The following ARSH variants were observed in gnomAD, a reference collection of about 807,000 sequenced individuals.
ARSH encodes arylsulfatase family member H, also known as arylsulfatase H.
A neutral mutation model predicts 28.7 loss-of-function variants in ARSH; 32 were observed. The observed-to-expected ratio is 1.11, with a 90% CI of 0.84 to 1.50. ARSH has a LOEUF of 1.50. Ranked by LOEUF, ARSH falls within the 40% of genes most tolerant of loss-of-function variation. ARSH has a pLI of 0.00. For missense variants in ARSH, 440 were observed against 452.4 expected (o/e 0.97, Z 0.25); for synonymous variants, 176 against 177.3 (o/e 0.99, Z 0.06).
intron 8 of ARSH, 80 bp downstream of exon 8, chrX:3,029,448 A>G: frequency 8.9e-7 from 1 of 1,127,671 alleles, no homozygotes; most frequent in Non-Finnish European, 1.2e-6. Flanking sequence ...CGGAAGCTGC[A>G]CCATGTGCAG....
chrX:3,010,231 A>G, intron 2 of ARSH, 80 bp downstream of exon 2: 1 of 1,094,125 alleles, frequency 9.1e-7, no homozygotes, highest in Admixed American at 2.7e-5. Flanking sequence ...TCTTTATAAG[A>G]ATTCTCAAAA....
At chrX:3,018,760 C>A in intron 5 of ARSH, 90 bp downstream of exon 5, 1 of 980,235 alleles carries the variant, frequency 1.0e-6, no homozygotes, top group Non-Finnish European at 1.4e-6. Context: ...ATGTCCAGCC[C>A]CTTGCATAGC....
intron 3 of ARSH, among the ~76,000 whole-genome samples, chrX:3,013,628 C>A (rs1036914829): frequency 9.1e-6 from 1 of 109,710 alleles, no homozygotes; most frequent in Non-Finnish European, 1.9e-5. Flanking sequence ...TGTGAGGGAG[C>A]CTTTCACCGA....
chrX:3,006,735 T>A (rs1343317862), intron 1 of ARSH, 31 bp downstream of exon 1: 1 of 1,098,132 alleles, frequency 9.1e-7, no homozygotes, highest in African/African-American at 1.8e-5. Flanking sequence ...CCTCCCTGTA[T>A]GTGGGAGTCT....
At chrX:3,015,784 G>A (rs1029436546) in intron 4 of ARSH, among the ~76,000 whole-genome samples, 12 of 109,734 alleles carry the variant, frequency 1.1e-4, no homozygotes, top group Non-Finnish European at 1.5e-4. Context: ...ATAGACCCAC[G>A]TAACAAACTG....
chrX:3,029,253 T>C lies in ARSH; in HGVS notation c.1206T>C (p.Ile402=). The change falls in exon 8 of 9, where the codon ATT becomes ATC. Residue 402 remains isoleucine (I), a synonymous_variant. Coordinates refer to ENST00000381130, the MANE Select transcript of ARSH (RefSeq NM_001011719.2). ...CACCCCCTTCTCTCCCAAGAGTGAT[T>C]GACGGCCAGAACCTAATGCCCCTGC... is the stretch of plus-strand genomic sequence containing the variant. The part of the protein sequence containing the change: ...GGGILSQDRV[I]DGQNLMPLLE... The C allele has an allele frequency of 8.3e-7, 1 of 1,210,150 alleles. No individual in the cohort carries two copies.
intron 5 of ARSH, among the ~76,000 whole-genome samples, chrX:3,023,739 G>A (rs2089890879): frequency 9.5e-6 from 1 of 105,551 alleles, no homozygotes; most frequent in South Asian, 4.0e-4. Context: ...TAATTCAAAT[G>A]TATAAAAGTA....
chrX:3,011,684 C>T (rs766852280), intron 2 of ARSH, among the ~76,000 whole-genome samples: 1 of 111,915 alleles, frequency 8.9e-6, no homozygotes, highest in Non-Finnish European at 1.9e-5. Flanking sequence ...TTGACACAAA[C>T]GGTTCAGTTT....
chrX:3,030,974 A>G (rs1384503815), intron 8 of ARSH, among the ~76,000 whole-genome samples: 1 of 108,769 alleles, frequency 9.2e-6, no homozygotes, highest in Non-Finnish European at 1.9e-5. Context: ...ACATTGCAAG[A>G]CCCTGTCCCT....
chrX:3,012,237 C>G (rs1421605923), intron 2 of ARSH, among the ~76,000 whole-genome samples: 1 of 109,385 alleles, frequency 9.1e-6, no homozygotes, highest in Non-Finnish European at 1.9e-5. Flanking sequence ...CAGTATAAAT[C>G]TACATAAAAT....
chrX:3,029,271 G>A lies in ARSH; in HGVS notation c.1224G>A (p.Met408Ile), dbSNP rs61978611. 5,237 of 1,206,824 alleles carry A rather than the reference G, an allele frequency of 4.3e-3. 138 individuals carry two copies. In the African/African-American group the frequency reaches 0.08, roughly 18 times the overall value. The change falls in exon 8 of 9, where the codon ATG (methionine) becomes ATA (isoleucine). Residue 408 changes from methionine to isoleucine, a missense_variant. Met to Ile is a conservative substitution (Grantham distance 10). Coordinates refer to ENST00000381130, the MANE Select transcript of ARSH (RefSeq NM_001011719.2). ...GAGTGATTGACGGCCAGAACCTAAT[G>A]CCCCTGCTGGAAGGAAGGGCGTCCC... ...QDRVIDGQNLMPLLEGRASHS... is the reference protein window; with the variant it reads ...QDRVIDGQNLIPLLEGRASHS...
intron 6 of ARSH, among the ~76,000 whole-genome samples, chrX:3,025,157 T>C (rs2147459881): frequency 9.2e-6 from 1 of 108,573 alleles, no homozygotes; most frequent in South Asian, 3.9e-4. Flanking sequence ...GTATATATAG[T>C]TACTATATTC....
intron 4 of ARSH, among the ~76,000 whole-genome samples, chrX:3,016,798 G>A (rs1185467345): frequency 9.0e-6 from 1 of 110,994 alleles, no homozygotes; most frequent in Non-Finnish European, 1.9e-5. Context: ...TGCCCAGGCT[G>A]GTCTCGAACT....
At chrX:3,030,669 G>C (rs1299592755) in intron 8 of ARSH, among the ~76,000 whole-genome samples, 1 of 111,680 alleles carries the variant, frequency 9.0e-6, no homozygotes. Flanking sequence ...CTTACCATGG[G>C]AACAGTATGG....
At position 3,033,345 on chromosome X, in the gene ARSH, G is replaced by T; in HGVS notation, c.1649G>T (p.Gly550Val). The T allele has an allele frequency of 8.3e-7, 1 of 1,206,876 alleles. No individual in the cohort carries two copies. Among genetic ancestry groups the T allele is most frequent in the Middle Eastern group, 2.5e-4 (1 of 3,967 alleles). ...QPCCGTFPFC[G>V]CDKEDDILPM... ...TGCTGTGGGACCTTCCCCTTCTGTG[G>T]GTGTGACAAGGAAGATGACATCCTT... is the stretch of plus-strand genomic sequence containing the variant. Residue 550 changes from glycine to valine, a missense_variant, in exon 9 of 9, where the codon GGG becomes GTG. Coordinates refer to ENST00000381130, the MANE Select transcript of ARSH (RefSeq NM_001011719.2).
chrX:3,014,634 T>TA, intron 3 of ARSH, among the ~76,000 whole-genome samples: 1 of 111,495 alleles, frequency 9.0e-6, no homozygotes, highest in East Asian at 2.8e-4. Context: ...TCTGCCCTCC[T>TA]AGCAAGCTCC....
chrX:3,027,152 G>A (rs1384240088), intron 6 of ARSH, among the ~76,000 whole-genome samples, 161 bp from the exon 7 acceptor site: 1 of 111,785 alleles, frequency 8.9e-6, no homozygotes, highest in Admixed American at 9.6e-5. Context: ...CAGAGACGGG[G>A]TTTCACCATG....
chrX:3,022,255 A>G (rs2089886406), intron 5 of ARSH, among the ~76,000 whole-genome samples: 1 of 111,169 alleles, frequency 9.0e-6, no homozygotes, highest in Non-Finnish European at 1.9e-5. Context: ...AATCACTTTT[A>G]TGATTTTTTT....
chrX:3,014,382 G>A (rs1170960043), intron 3 of ARSH, among the ~76,000 whole-genome samples: 1 of 111,695 alleles, frequency 9.0e-6, no homozygotes, highest in Non-Finnish European at 1.9e-5. Context: ...TAGAGTATGT[G>A]CTTGATAAAA....
Sources: gnomAD v4.1 joint callset for allele counts (sites outside exome capture counted in the v4.1 genomes callset) on GRCh38, gnomAD v4.1.1 for gene constraint, MANE v1.5 for transcripts, NCBI Gene and HGNC (gene_info 2026-07-23, HGNC 2026-07-21) for gene names.